RPS28: variants seen among roughly 807,000 people sequenced by gnomAD.
RPS28 encodes the protein small ribosomal subunit protein eS28.
In RPS28, 2 loss-of-function variants were observed where a neutral mutation model predicts 9.4. The ratio of observed to expected loss-of-function variants is 0.21; its 90% CI spans 0.09 to 0.67. The LOEUF is 0.67. Among genes scored for constraint, RPS28 ranks in the 30% least tolerant of loss-of-function variants. The probability of loss-of-function intolerance (pLI) is 0.82; values close to 1 mark genes in which losing one functional copy is unlikely to be tolerated. For missense variants in RPS28, 35 were observed against 95.3 expected (o/e 0.37, Z 2.63); for synonymous variants, 41 against 37.8 (o/e 1.08, Z -0.31).
chr19:8,321,848 A>G (rs2145404403), intron 2 of RPS28, 105 bp from the exon 3 acceptor site: 1 of 1,534,346 alleles, frequency 6.5e-7, no homozygotes, highest in Non-Finnish European at 8.9e-7. Context: ...AACGATCTGT[A>G]TTCTGGCCCC....
In RPS28 at chr19:8,321,973, C is replaced by T. The variant is rs761005487; in HGVS notation, c.108C>T (p.Asp36=). The T allele has an allele frequency of 1.2e-6, 2 of 1,608,530 alleles. No homozygotes were observed. The highest frequency in any genetic ancestry group is 1.7e-6 in the Non-Finnish European group (2 of 1,178,098). ...QCTQVRVEFM[D]DTSRSIIRNV... The stretch of plus-strand genomic sequence containing the variant: ...CGTAGGTGCGCGTGGAATTCATGGA[C>T]GACACGAGCCGATCCATCATCCGCA... Residue 36 remains aspartate, a synonymous_variant, in exon 3 of 4, where the codon GAC becomes GAT. Transcript: ENST00000600659.
chr19:8,322,096 G>T lies in RPS28; in HGVS notation c.*16+5G>T. On this transcript the variant is annotated splice_donor_5th_base_variant and intron_variant, in intron 3 of 3. Coordinates refer to ENST00000600659, the MANE Select transcript of RPS28 (RefSeq NM_001031.5). ...GCTGAGCTTGGCTGCTCGCTGGTGG[G>T]TGCAAAGAGGACACCCCTTTGATAG... is the stretch of plus-strand genomic sequence containing the variant. 6.2e-7 allele frequency: 1 copy of T among 1,609,876 alleles called. No homozygotes were observed. Among genetic ancestry groups the T allele is most frequent in the Non-Finnish European group, 8.5e-7 (1 of 1,177,444 alleles).
intron 2 of RPS28, 119 bp from the exon 3 acceptor site, chr19:8,321,834 C>G (rs1195807899): frequency 6.6e-7 from 1 of 1,515,706 alleles, no homozygotes; most frequent in Non-Finnish European, 9.0e-7. Context: ...TGATGGTTCC[C>G]TTTAACGATC....
Position 8,322,870 on chromosome 19 carries a change from C to T in RPS28, c.*615C>T. On this transcript the variant is annotated 3_prime_UTR_variant, in exon 4 of 4. Coordinates refer to ENST00000600659, the MANE Select transcript of RPS28 (RefSeq NM_001031.5). ...AACCTGGGGGTTCTCTCCATTGTCA[C>T]CGCATTCTCCTTCACCAGGTGTGGC... The T allele has an allele frequency of 6.3e-6, 10 of 1,590,446 alleles. No individual in the cohort carries two copies. The highest frequency in any genetic ancestry group is 8.6e-6 in the Non-Finnish European group (10 of 1,168,216).
chr19:8,321,695 T>C lies in RPS28; in HGVS notation c.79T>C (p.Cys27Arg). The change falls in exon 2 of 4, where the codon TGC becomes CGC. Residue 27 changes from cysteine to arginine, a missense_variant. Transcript: ENST00000600659. ...GGGCAGGACCGGTTCTCAGGGACAG[T>C]GCACGCAGGTAATCGGGTGGGGGCA... ...VLGRTGSQGQ[C>R]TQVRVEFMDD... is the part of the protein sequence containing the mutation. 6.4e-7 allele frequency: 1 copy of C among 1,566,214 alleles called. No individual in the cohort carries two copies. The highest frequency in any genetic ancestry group is 8.7e-7 in the Non-Finnish European group (1 of 1,155,060).
At position 8,322,522 on chromosome 19, in the gene RPS28, C is replaced by T; in HGVS notation, c.*267C>T. On this transcript the variant is annotated 3_prime_UTR_variant, in exon 4 of 4. Coordinates refer to ENST00000600659, the MANE Select transcript of RPS28 (RefSeq NM_001031.5). ...GCGGTCTTGCCAAACGAAGCTTTTC[C>T]TTTTTGAGGCGGGGGGTCGTGTTTG... 2 of 489,302 alleles carry T rather than the reference C, an allele frequency of 4.1e-6. No homozygotes were observed. The highest frequency in any genetic ancestry group is 3.9e-5 in the South Asian group (2 of 51,214). The allele number at this position is 489,302 out of a possible 1,614,324, so 30.3% of individuals were successfully genotyped here.
intron 2 of RPS28, 44 bp from the exon 3 acceptor site, chr19:8,321,909 C>T (rs1970323356): frequency 6.2e-7 from 1 of 1,606,478 alleles, no homozygotes; most frequent in Non-Finnish European, 8.5e-7. Flanking sequence ...TGCCTTTCCG[C>T]GGCCCGCCCT....
At position 8,322,788 on chromosome 19, in the gene RPS28, C is replaced by G. The variant is rs767249435; in HGVS notation, c.*533C>G. 4 of 1,393,498 alleles carry G rather than the reference C, an allele frequency of 2.9e-6. No individual in the cohort carries two copies. In the South Asian group the frequency reaches 4.7e-5, roughly 17 times the overall value. The allele number at this position is 1,393,498 out of a possible 1,614,324, so 86.3% of individuals were successfully genotyped here. On this transcript the variant is annotated 3_prime_UTR_variant, in exon 4 of 4. Coordinates refer to ENST00000600659, the MANE Select transcript of RPS28 (RefSeq NM_001031.5). The stretch of plus-strand genomic sequence containing the variant: ...TTCTGTGCGCCAAAGGCTGAGGTGA[C>G]TGACGAGGAGATCTCCCCACAGCTA...
In RPS28 at chr19:8,322,898, T is replaced by G. The variant is rs534666921; in HGVS notation, c.*643T>G. On this transcript the variant is annotated 3_prime_UTR_variant, in exon 4 of 4. Coordinates refer to ENST00000600659, the MANE Select transcript of RPS28 (RefSeq NM_001031.5). ...CATTCTCCTTCACCAGGTGTGGCTG[T>G]CTGGGAGCCAGGGGGTGACTCGCTC... 3 of 1,555,784 alleles carry G rather than the reference T, an allele frequency of 1.9e-6. No individual in the cohort carries two copies. The highest frequency in any genetic ancestry group is 2.3e-5 in the East Asian group (1 of 42,558).
At position 8,322,702 on chromosome 19, in the gene RPS28, C is replaced by G; in HGVS notation, c.*447C>G. ...TGAGCCCCTTCCTGCCACAGTCACC[C>G]CAACTGAAATTGCCTTTCTCTTCGG... On this transcript the variant is annotated 3_prime_UTR_variant, in exon 4 of 4. Coordinates refer to ENST00000600659, the MANE Select transcript of RPS28 (RefSeq NM_001031.5). 1 of 658,460 alleles carries G rather than the reference C, an allele frequency of 1.5e-6. No homozygotes were observed. The highest frequency in any genetic ancestry group is 2.6e-6 in the Non-Finnish European group (1 of 381,018). The allele number at this position is 658,460 out of a possible 1,614,324, so 40.8% of individuals were successfully genotyped here.
intron 2 of RPS28, 56 bp downstream of exon 2, chr19:8,321,759 T>C: frequency 6.5e-7 from 1 of 1,532,790 alleles, no homozygotes; most frequent in Non-Finnish European, 8.8e-7. Flanking sequence ...TGATGTGACC[T>C]CTACCCTGCC....
intron 3 of RPS28, 89 bp downstream of exon 3, chr19:8,322,180 A>G: frequency 2.3e-5 from 32 of 1,411,906 alleles, no homozygotes; most frequent in Non-Finnish European, 3.1e-5. Flanking sequence ...TTTGGGAGGC[A>G]GAGTCTACAT....
rs779906002 is a variant in RPS28 at position 8,321,917 on chromosome 19, CCTTA to C, written c.88-32_88-29del. 8.7e-5 allele frequency: 140 copies of C among 1,610,178 alleles called. 1 individual carries two copies. The highest frequency in any genetic ancestry group is 7.1e-4 in the Admixed American group (42 of 59,502). ...TCCGCGGTGCCTTTCCGCGGCCCGC[CCTTA>C]CTTCTTCCTCCACTCCGGTGGGGAC... On this transcript the variant is annotated intron_variant, in intron 2 of 3. Transcript: ENST00000600659.
intron 1 of RPS28, 24 bp from the exon 2 acceptor site, chr19:8,321,632 C>A: frequency 6.4e-7 from 1 of 1,555,802 alleles, no homozygotes; most frequent in South Asian, 1.2e-5. Context: ...CGGGCCGGGT[C>A]TGAACCCAGC....
chr19:8,321,921 A>C (rs1006180671), intron 2 of RPS28, 32 bp from the exon 3 acceptor site: 139 of 1,609,730 alleles, frequency 8.6e-5, no homozygotes, highest in Middle Eastern at 3.3e-4. Flanking sequence ...GCCCGCCCTT[A>C]CTTCTTCCTC....
At position 8,322,934 on chromosome 19, in the gene RPS28, G is replaced by A. The variant is rs1373219239; in HGVS notation, c.*679G>A. 1 of 1,401,970 alleles carries A rather than the reference G, an allele frequency of 7.1e-7. No homozygotes were observed. The highest frequency in any genetic ancestry group is 9.6e-7 in the Non-Finnish European group (1 of 1,040,314). The allele number at this position is 1,401,970 out of a possible 1,614,324, so 86.8% of individuals were successfully genotyped here. ...GGGGGTGACTCGCTCTGGAGAGAGG[G>A]GAAAAGAGGGGGGCCTGCTGCAATC... On this transcript the variant is annotated 3_prime_UTR_variant, in exon 4 of 4. Coordinates refer to ENST00000600659, the MANE Select transcript of RPS28 (RefSeq NM_001031.5).
chr19:8,323,088 C>G lies in RPS28; in HGVS notation c.*833C>G. On this transcript the variant is annotated 3_prime_UTR_variant, in exon 4 of 4. Transcript: ENST00000600659. ...TGACCTGGAAGAGGCGCTTGACCTT[C>G]CTCCCACATCCCTTCCAGTGGGGTG... The G allele has an allele frequency of 4.1e-6, 2 of 483,242 alleles. No homozygotes were observed. The highest frequency in any genetic ancestry group is 7.3e-6 in the Non-Finnish European group (2 of 272,604). The allele number at this position is 483,242 out of a possible 1,614,324, so 29.9% of individuals were successfully genotyped here. A position where few individuals can be genotyped will look rare whatever the true frequency, so the allele number is the denominator to read the frequency against.
intron 2 of RPS28, 28 bp from the exon 3 acceptor site, chr19:8,321,925 C>G: frequency 6.2e-7 from 1 of 1,611,044 alleles, no homozygotes; most frequent in Non-Finnish European, 8.5e-7. Flanking sequence ...GCCCTTACTT[C>G]TTCCTCCACT....
At chr19:8,322,241 G>A in intron 3 of RPS28, 31 bp from the exon 4 acceptor site, 2 of 856,568 alleles carry the variant, frequency 2.3e-6, no homozygotes, top group Non-Finnish European at 3.8e-6. Context: ...TGCGGGGCCT[G>A]TCAACATCTC....
Sources: gnomAD v4.1 joint callset for allele counts on GRCh38, gnomAD v4.1.1 for gene constraint, MANE v1.5 for transcripts, NCBI Gene and HGNC (gene_info 2026-07-23, HGNC 2026-07-21) for gene names.